The following MDGA2 variants were observed in gnomAD, a reference collection of about 807,000 sequenced individuals.
MDGA2 encodes the protein MAM domain-containing glycosylphosphatidylinositol anchor protein 2.
A neutral mutation model predicts 117.8 loss-of-function variants in MDGA2; 40 were observed. The ratio of observed to expected loss-of-function variants is 0.34; its 90% CI spans 0.26 to 0.44. The LOEUF (loss-of-function observed/expected upper bound fraction) is 0.44. Ranked by LOEUF, MDGA2 falls within the 20% of genes least tolerant of loss-of-function variation. The probability of loss-of-function intolerance (pLI) is 1.00; values close to 1 mark genes in which losing one functional copy is unlikely to be tolerated. For missense variants in MDGA2, 1,123 were observed against 1,250.6 expected (o/e 0.90, Z 1.54); for synonymous variants, 452 against 439.0 (o/e 1.03, Z -0.37).
chr14:47,215,985 A>T (rs1886072690), intron 3 of MDGA2, among the ~76,000 whole-genome samples: 1 of 152,154 alleles, frequency 6.6e-6, no homozygotes. Context: ...TGAATGGAAG[A>T]GGAGTCAAAC....
chr14:47,112,279 G>A (rs745825255), intron 5 of MDGA2, among the ~76,000 whole-genome samples: 3 of 152,178 alleles, frequency 2.0e-5, no homozygotes, highest in Non-Finnish European at 4.4e-5. Context: ...TACATGTGCA[G>A]GACATGCAGC....
At chr14:47,422,671 T>C (rs1380607506) in intron 1 of MDGA2, among the ~76,000 whole-genome samples, 5 of 152,210 alleles carry the variant, frequency 3.3e-5, no homozygotes, top group African/African-American at 4.8e-5. Flanking sequence ...TCCTTTCCTA[T>C]TCGTAGGTAT....
chr14:47,180,368 G>A (rs1314997388), intron 3 of MDGA2, among the ~76,000 whole-genome samples: 2 of 152,102 alleles, frequency 1.3e-5, no homozygotes, highest in Non-Finnish European at 2.9e-5. Flanking sequence ...TTAAACTAAG[G>A]AGCTTCTGCA....
chr14:47,303,218 C>T (rs991398826), intron 1 of MDGA2, among the ~76,000 whole-genome samples: 2 of 152,116 alleles, frequency 1.3e-5, no homozygotes, highest in Non-Finnish European at 2.9e-5. Context: ...AGACTAGGTT[C>T]TGGGTATTAT....
At chr14:47,631,683 T>C (rs974810507) in intron 1 of MDGA2, among the ~76,000 whole-genome samples, 4 of 152,170 alleles carry the variant, frequency 2.6e-5, no homozygotes, top group Admixed American at 6.5e-5. Flanking sequence ...CCTTTCCCAA[T>C]TGTTTATTTT....
chr14:47,511,847 G>A (rs1028111688), intron 1 of MDGA2, among the ~76,000 whole-genome samples: 5 of 152,160 alleles, frequency 3.3e-5, no homozygotes, highest in African/African-American at 1.2e-4. Flanking sequence ...AGGAAGAGCA[G>A]GAAGACAGTG....
intron 1 of MDGA2, among the ~76,000 whole-genome samples, chr14:47,665,095 T>C (rs1897919152): frequency 6.6e-6 from 1 of 152,156 alleles, no homozygotes; most frequent in Admixed American, 6.5e-5. Context: ...CAGGACTACT[T>C]TTCTTTCTGC....
intron 2 of MDGA2, among the ~76,000 whole-genome samples, chr14:47,237,583 A>G (rs1462100826): frequency 6.6e-6 from 1 of 152,186 alleles, no homozygotes; most frequent in Non-Finnish European, 1.5e-5. Context: ...TAGAAATAAA[A>G]TAATTGTTAT....
chr14:47,046,616 A>AATAC (rs966656837), intron 7 of MDGA2, among the ~76,000 whole-genome samples: 2 of 151,268 alleles, frequency 1.3e-5, no homozygotes, highest in African/African-American at 4.8e-5. Context: ...TAAATAAATA[A>AATAC]ATAAATAAAT....
At chr14:47,438,961 T>C (rs928734706) in intron 1 of MDGA2, among the ~76,000 whole-genome samples, 1 of 152,166 alleles carries the variant, frequency 6.6e-6, no homozygotes, top group Non-Finnish European at 1.5e-5. Flanking sequence ...CAACTAAATC[T>C]TTCTACATGA....
rs111514768 is a variant in MDGA2, at chr14:47,351,740, G to A, written c.281-50190C>T. On this transcript the variant is annotated intron_variant, in intron 1 of 16. Coordinates refer to ENST00000399232, the MANE Select transcript of MDGA2 (RefSeq NM_001113498.3). ...CTTTTAATTATTATGATTTGCTAAT[G>A]GATATGGAGCAGAAATCGTTTCACA... is the stretch of plus-strand genomic sequence containing the variant. Among the ~76,000 whole-genome samples the A allele has an allele frequency of 9.9e-3, 1,514 of 152,178 alleles. 22 individuals carry two copies. Among genetic ancestry groups the A allele is most frequent in the African/African-American group, 0.034 (1,396 of 41,500 alleles).
chr14:47,628,657 A>G (rs962869551), intron 1 of MDGA2, among the ~76,000 whole-genome samples: 3 of 152,216 alleles, frequency 2.0e-5, no homozygotes, highest in African/African-American at 7.2e-5. Flanking sequence ...TTGAGTATCA[A>G]GATATACTGA....
At chr14:47,615,302 TATA>T (rs1676085904) in intron 1 of MDGA2, among the ~76,000 whole-genome samples, 1 of 152,202 alleles carries the variant, frequency 6.6e-6, no homozygotes. Flanking sequence ...TTAACCATTC[TATA>T]ATAACATTTT....
rs144631392 is a variant in MDGA2, at chr14:47,050,023, T to C, written c.1525+11226A>G. On this transcript the variant is annotated intron_variant, in intron 7 of 16. Transcript: ENST00000399232. ...TTAGTCAAATAGGTCAGAAGGCAGA[T>C]ACAATGTGATTTGAGGTTTCTAAAA... Among the ~76,000 whole-genome samples, 153 of 152,158 alleles carry C rather than the reference T, an allele frequency of 1.0e-3. 2 individuals carry two copies. Among genetic ancestry groups the C allele is most frequent in the African/African-American group, 3.5e-3 (145 of 41,556 alleles).
At chr14:47,149,054 C>A (rs772878333) in intron 3 of MDGA2, among the ~76,000 whole-genome samples, 1 of 152,074 alleles carries the variant, frequency 6.6e-6, no homozygotes, top group Non-Finnish European at 1.5e-5. Flanking sequence ...GTTTGGGAGA[C>A]CAAGGTTGGG....
intron 1 of MDGA2, among the ~76,000 whole-genome samples, chr14:47,655,947 G>T (rs756045018): frequency 1.2e-4 from 19 of 152,174 alleles, no homozygotes; most frequent in Non-Finnish European, 1.0e-4. Flanking sequence ...CACACGTAAA[G>T]TCTACGGCAA....
intron 2 of MDGA2, among the ~76,000 whole-genome samples, chr14:47,280,496 A>T (rs1440425693): frequency 6.6e-6 from 1 of 152,050 alleles, no homozygotes; most frequent in Non-Finnish European, 1.5e-5. Context: ...TAGGTGTTTT[A>T]CTATGATTAA....
intron 14 of MDGA2, among the ~76,000 whole-genome samples, chr14:46,858,249 T>C: frequency 6.6e-6 from 1 of 151,572 alleles, no homozygotes; most frequent in East Asian, 1.9e-4. Flanking sequence ...TTTTTGTTTA[T>C]TGTACTTTGT....
At chr14:47,147,055 A>ATTTG in intron 3 of MDGA2, among the ~76,000 whole-genome samples, 1 of 152,234 alleles carries the variant, frequency 6.6e-6, no homozygotes, top group East Asian at 1.9e-4. Context: ...CCAAAACAAG[A>ATTTG]TTTGTTTAAG....
Sources: allele counts gnomAD v4.1 joint callset (sites outside exome capture counted in the v4.1 genomes callset), GRCh38; gene constraint gnomAD v4.1.1; transcripts MANE v1.5; gene names NCBI Gene and HGNC (gene_info 2026-07-23, HGNC 2026-07-21).